Variants in SARNP observed in about 807,000 individuals in gnomAD.
SARNP encodes SAP domain containing ribonucleoprotein, also known as SAP domain-containing ribonucleoprotein.
SARNP carries 5 observed loss-of-function variants against 38.1 expected under a neutral mutation model. The observed-to-expected ratio is 0.13, with a 90% CI of 0.07 to 0.28. SARNP has a LOEUF of 0.28. SARNP is among the 10% of genes least tolerant of loss of function. The pLI is 1.00. For missense variants in SARNP, 180 were observed against 243.9 expected (o/e 0.74, Z 1.75); for synonymous variants, 84 against 80.6 (o/e 1.04, Z -0.23).
chr12:55,800,795 G>A, intron 3 of SARNP, 59 bp downstream of exon 3: 12 of 1,459,510 alleles, frequency 8.2e-6, no homozygotes, highest in Admixed American at 1.7e-5. Flanking sequence ...TGATGTTAAA[G>A]CAATGTGGCC....
intron 1 of SARNP, among the ~76,000 whole-genome samples, chr12:55,805,122 C>T (rs531929329): frequency 3.9e-5 from 6 of 152,190 alleles, no homozygotes; most frequent in African/African-American, 1.4e-4. Flanking sequence ...ATTAGCCAGG[C>T]GTGGTGGCAG....
chr12:55,780,775 G>C (rs1179089197), intron 9 of SARNP, among the ~76,000 whole-genome samples: 3 of 152,234 alleles, frequency 2.0e-5, no homozygotes, highest in South Asian at 4.1e-4. Flanking sequence ...GCTCTAATGG[G>C]GAAGTAGTAG....
At chr12:55,793,318 G>A (rs950932937) in intron 7 of SARNP, 6 of 152,168 alleles carry the variant, frequency 3.9e-5, no homozygotes, top group Non-Finnish European at 8.8e-5. Flanking sequence ...CATTACAAAA[G>A]TGATACATAT....
chr12:55,771,201 G>A (rs994962650), intron 9 of SARNP, among the ~76,000 whole-genome samples: 4 of 151,918 alleles, frequency 2.6e-5, no homozygotes, highest in Non-Finnish European at 4.4e-5. Flanking sequence ...CAGGTGATCC[G>A]CCTGCCCCGG....
At chr12:55,799,066 G>T (rs1429195594) in intron 4 of SARNP, among the ~76,000 whole-genome samples, 2 of 152,118 alleles carry the variant, frequency 1.3e-5, no homozygotes, top group Non-Finnish European at 2.9e-5. Context: ...GTGTATACGT[G>T]TATCTATATA....
At chr12:55,778,865 G>C (rs1017883790) in intron 9 of SARNP, among the ~76,000 whole-genome samples, 5 of 152,172 alleles carry the variant, frequency 3.3e-5, no homozygotes, top group African/African-American at 1.2e-4. Context: ...AAGCTATTCA[G>C]GAGGCTGAGG....
In SARNP at chr12:55,804,426, A is replaced by G. The variant is rs573411141; in HGVS notation, c.37-698T>C. ...ATGCAACACGGAAACAGAAAAAAAAAAAAACACTTCTTCAGGACTAATAAT... is the reference window on the plus strand; with the variant it reads ...ATGCAACACGGAAACAGAAAAAAAAGAAAACACTTCTTCAGGACTAATAAT... On this transcript the variant is annotated intron_variant, in intron 1 of 10. Coordinates refer to ENST00000336133, the MANE Select transcript of SARNP (RefSeq NM_033082.4). 1.6e-4 allele frequency among the ~76,000 whole-genome samples: 25 copies of G among 152,256 alleles called. No individual in the cohort carries two copies. The South Asian group carries it at 2.5e-3, about 15-fold the overall frequency.
intron 1 of SARNP, among the ~76,000 whole-genome samples, chr12:55,817,356 ATGCAGCC>A (rs1280636306): frequency 6.6e-6 from 1 of 152,234 alleles, no homozygotes; most frequent in Non-Finnish European, 1.5e-5. Context: ...AACTGACGTA[ATGCAGCC>A]CTGAAAAGCA....
chr12:55,794,670 A>G (rs1879768805), intron 6 of SARNP, 137 bp downstream of exon 6: 2 of 657,154 alleles, frequency 3.0e-6, no homozygotes, highest in South Asian at 3.8e-5. Context: ...TGTTCTGAAT[A>G]GGGTCAAAAA....
At chr12:55,803,493 AAAGAG>A in intron 2 of SARNP, 131 bp downstream of exon 2, 2 of 517,838 alleles carry the variant, frequency 3.9e-6, no homozygotes, top group South Asian at 3.2e-5. Context: ...CAAAAAAAAA[AAAGAG>A]AGAGTTTTCT....
intron 1 of SARNP, among the ~76,000 whole-genome samples, chr12:55,807,240 A>G (rs1489359633): frequency 6.6e-6 from 1 of 152,242 alleles, no homozygotes; most frequent in African/African-American, 2.4e-5. Context: ...AACTGCTATA[A>G]AACTTTCTAA....
At chr12:55,766,624 G>T (rs1352237377) in intron 9 of SARNP, among the ~76,000 whole-genome samples, 1 of 130,864 alleles carries the variant, frequency 7.6e-6, no homozygotes, top group South Asian at 2.8e-4. Flanking sequence ...GGCGGGGGGG[G>T]GGGGGGGGTT....
chr12:55,790,765 G>GAAAACAA (rs1555172978), intron 7 of SARNP, among the ~76,000 whole-genome samples, 173 bp from the exon 8 acceptor site: 1 of 152,184 alleles, frequency 6.6e-6, no homozygotes, highest in Non-Finnish European at 1.5e-5. Flanking sequence ...ACATAAAATG[G>GAAAACAA]TATAGCTGCT....
chr12:55,775,241 T>TTAAA (rs773374514), intron 9 of SARNP, among the ~76,000 whole-genome samples: 1 of 118,576 alleles, frequency 8.4e-6, no homozygotes, highest in African/African-American at 3.0e-5. Context: ...AGGTTAAAAT[T>TTAAA]AAAAAAAAAA....
chr12:55,778,514 G>A (rs1592564354), intron 9 of SARNP, among the ~76,000 whole-genome samples: 1 of 152,136 alleles, frequency 6.6e-6, no homozygotes, highest in East Asian at 1.9e-4. Context: ...GTGGAGAAAA[G>A]TAGTGTCTTT....
At chr12:55,761,641 C>T (rs1878678587) in intron 9 of SARNP, 1 of 152,148 alleles carries the variant, frequency 6.6e-6, no homozygotes, top group Non-Finnish European at 1.5e-5. Flanking sequence ...CATTCATGTC[C>T]AACACTGCTC....
chr12:55,813,280 T>C (rs994921122), intron 1 of SARNP, among the ~76,000 whole-genome samples: 23 of 152,122 alleles, frequency 1.5e-4, no homozygotes, highest in Non-Finnish European at 1.3e-4. Context: ...CAGGGTCTTA[T>C]GAAATTATAT....
chr12:55,796,658 C>T (rs1467730695), intron 4 of SARNP, among the ~76,000 whole-genome samples: 1 of 152,170 alleles, frequency 6.6e-6, no homozygotes, highest in Non-Finnish European at 1.5e-5. Context: ...CCACCTCGGC[C>T]TCCCAAAGTA....
chr12:55,782,981 C>G (rs1879382762), intron 9 of SARNP, among the ~76,000 whole-genome samples: 1 of 151,960 alleles, frequency 6.6e-6, no homozygotes, highest in East Asian at 2.0e-4. Context: ...TGTGGTGGCG[C>G]ACGCCTGTAG....
Sources: gnomAD v4.1 joint callset for allele counts (sites outside exome capture counted in the v4.1 genomes callset) on GRCh38, gnomAD v4.1.1 for gene constraint, MANE v1.5 for transcripts, NCBI Gene and HGNC (gene_info 2026-07-23, HGNC 2026-07-21) for gene names.